The following YWHAE variants were observed in gnomAD, a reference collection of about 807,000 sequenced individuals.
The protein encoded by YWHAE is 14-3-3 protein epsilon.
A neutral mutation model predicts 30.1 loss-of-function variants in YWHAE; 4 were observed. That is an observed-to-expected ratio of 0.13 (90% confidence interval 0.07 to 0.30). YWHAE has a LOEUF of 0.30. Among genes scored for constraint, YWHAE ranks in the 10% least tolerant of loss-of-function variants. The pLI is 1.00. For missense variants in YWHAE, 121 were observed against 315.9 expected (o/e 0.38, Z 4.68); for synonymous variants, 118 against 111.8 (o/e 1.06, Z -0.35).
At chr17:1,391,594 T>C (rs892055178) in intron 1 of YWHAE, among the ~76,000 whole-genome samples, 1 of 152,184 alleles carries the variant, frequency 6.6e-6, no homozygotes, top group African/African-American at 2.4e-5. Context: ...AAATTGTTCT[T>C]AGGGCCATGA....
intron 5 of YWHAE, among the ~76,000 whole-genome samples, chr17:1,349,438 C>T (rs1033191984): frequency 6.6e-6 from 1 of 152,074 alleles, no homozygotes; most frequent in African/African-American, 2.4e-5. Context: ...TTAGTTGTAC[C>T]GGAATGTCAA....
At chr17:1,392,178 T>C (rs1411147916) in intron 1 of YWHAE, among the ~76,000 whole-genome samples, 1 of 151,970 alleles carries the variant, frequency 6.6e-6, no homozygotes, top group Admixed American at 6.6e-5. Context: ...TACTGAGATC[T>C]TGTCTCGGGA....
At chr17:1,348,068 A>T in intron 5 of YWHAE, 1 of 883,062 alleles carries the variant, frequency 1.1e-6, no homozygotes, top group Non-Finnish European at 1.4e-6. Context: ...TACAAGAAAA[A>T]TAAACCAACA....
intron 1 of YWHAE, among the ~76,000 whole-genome samples, chr17:1,374,921 A>G (rs574507324): frequency 6.6e-6 from 1 of 152,236 alleles, no homozygotes; most frequent in South Asian, 2.1e-4. Flanking sequence ...CTATTGCTTC[A>G]AGAGACAGGG....
chr17:1,367,889 C>T (rs1165781522), intron 1 of YWHAE, among the ~76,000 whole-genome samples: 1 of 152,106 alleles, frequency 6.6e-6, no homozygotes, highest in Non-Finnish European at 1.5e-5. Flanking sequence ...CAGAATTGTA[C>T]ATGTAAAAGT....
chr17:1,383,219 G>A (rs1357915204), intron 1 of YWHAE, among the ~76,000 whole-genome samples: 6 of 150,980 alleles, frequency 4.0e-5, no homozygotes, highest in Non-Finnish European at 7.4e-5. Flanking sequence ...GCATGGTGGC[G>A]CATGCCTGTA....
Position 1,354,364 on chromosome 17 carries a change from A to G in YWHAE, c.579-17T>C. On this transcript the variant is annotated splice_polypyrimidine_tract_variant and intron_variant, in intron 4 of 5. Coordinates refer to ENST00000264335, the MANE Select transcript of YWHAE (RefSeq NM_006761.5). ...TTTGCCAACCTAAAGGTATTTCAAT[A>G]GAAGTGTTATAAAAATTAAGTCCAA... 3.1e-6 allele frequency: 5 copies of G among 1,605,830 alleles called. No individual in the cohort carries two copies. The highest frequency in any genetic ancestry group is 4.2e-6 in the Non-Finnish European group (5 of 1,177,266).
At chr17:1,356,169 AAAACACACACACACAC>A (rs1210273966) in intron 4 of YWHAE, among the ~76,000 whole-genome samples, 3 of 94,490 alleles carry the variant, frequency 3.2e-5, no homozygotes, top group African/African-American at 1.0e-4. Context: ...ACTCCGTCTA[AAAACACACACACACAC>A]ACACACACAC....
intron 1 of YWHAE, among the ~76,000 whole-genome samples, chr17:1,374,042 G>A (rs1567972961): frequency 1.3e-5 from 2 of 152,238 alleles, no homozygotes; most frequent in South Asian, 2.1e-4. Flanking sequence ...ATTAGGCCAG[G>A]TGCGGTGGCT....
At chr17:1,365,421 T>A (rs2072927241) in intron 1 of YWHAE, among the ~76,000 whole-genome samples, 2 of 152,066 alleles carry the variant, frequency 1.3e-5, no homozygotes, top group Non-Finnish European at 2.9e-5. Context: ...AATTTACAGG[T>A]TCTAAAATGT....
At chr17:1,369,550 C>A (rs773292387) in intron 1 of YWHAE, among the ~76,000 whole-genome samples, 1 of 152,098 alleles carries the variant, frequency 6.6e-6, no homozygotes, top group Non-Finnish European at 1.5e-5. Context: ...CAGAATTCTG[C>A]AATCATCATA....
rs757799581 is a variant in YWHAE, at chr17:1,345,151, A to G, written c.*296T>C. 2.3e-6 allele frequency: 1 copy of G among 430,652 alleles called. No individual in the cohort carries two copies. Among genetic ancestry groups the G allele is most frequent in the South Asian group, 4.2e-5 (1 of 23,912 alleles). 26.7% of individuals were successfully genotyped at this position (430,652 alleles called of 1,614,324 possible). On this transcript the variant is annotated 3_prime_UTR_variant, in exon 6 of 6. Transcript: ENST00000264335. ...TCCATTTGCTAATGGTGATCTTGCC[A>G]CATCTGGCACGGAGACGACACAGTA...
At chr17:1,364,284 C>T (rs1217373790) in intron 2 of YWHAE, among the ~76,000 whole-genome samples, 13 of 151,206 alleles carry the variant, frequency 8.6e-5, no homozygotes, top group South Asian at 2.1e-4. Context: ...TGGAGTGCAG[C>T]AGTGCGATCT....
chr17:1,367,044 TA>T (rs371655390), intron 1 of YWHAE, among the ~76,000 whole-genome samples: 1 of 152,020 alleles, frequency 6.6e-6, no homozygotes, highest in Non-Finnish European at 1.5e-5. Context: ...TTCGGGAATA[TA>T]AAAAAAATTA....
intron 1 of YWHAE, among the ~76,000 whole-genome samples, chr17:1,380,153 G>A (rs986175080): frequency 7.9e-5 from 11 of 139,322 alleles, no homozygotes; most frequent in Non-Finnish European, 1.2e-4. Context: ...TCACTCTGTC[G>A]CCCAGGCTGG....
At chr17:1,397,905 A>G (rs940258939) in intron 1 of YWHAE, among the ~76,000 whole-genome samples, 1 of 152,136 alleles carries the variant, frequency 6.6e-6, no homozygotes, top group Non-Finnish European at 1.5e-5. Flanking sequence ...GGGGACACCT[A>G]ACATTAACAA....
At chr17:1,379,342 G>A (rs765829312) in intron 1 of YWHAE, among the ~76,000 whole-genome samples, 14 of 151,992 alleles carry the variant, frequency 9.2e-5, no homozygotes, top group East Asian at 1.9e-4. Flanking sequence ...AAAATTAGCC[G>A]GGCGTGGTGG....
In YWHAE at chr17:1,364,934, G is replaced by A. The variant is rs1387926580; in HGVS notation, c.189C>T (p.Ile63=). The A allele has an allele frequency of 1.2e-6, 2 of 1,613,932 alleles. No homozygotes were observed. The highest frequency in any genetic ancestry group is 4.5e-5 in the East Asian group (2 of 44,882). The change falls in exon 2 of 6, where the codon ATC becomes ATT. Residue 63 remains isoleucine (I), a synonymous_variant. Transcript: ENST00000264335. ...TTTCTTCTTTCTGTTCAATGCTGCTGATTATTCTCCAGGAGGCTCTTCTAG... is the reference window on the plus strand; with the variant it reads ...TTTCTTCTTTCTGTTCAATGCTGCTAATTATTCTCCAGGAGGCTCTTCTAG... ...IGARRASWRI[I]SSIEQKEENK... is the part of the protein sequence containing the mutation.
At chr17:1,346,083 C>G (rs542912622) in intron 5 of YWHAE, among the ~76,000 whole-genome samples, 2 of 152,286 alleles carry the variant, frequency 1.3e-5, no homozygotes, top group East Asian at 1.9e-4. Context: ...ACACAGCATG[C>G]TCAAAGTAAA....
Sources: gnomAD v4.1 joint callset for allele counts (sites outside exome capture counted in the v4.1 genomes callset) on GRCh38, gnomAD v4.1.1 for gene constraint, MANE v1.5 for transcripts, NCBI Gene and HGNC (gene_info 2026-07-23, HGNC 2026-07-21) for gene names.